Variants in CACNG2 observed in about 807,000 individuals in gnomAD.
The protein encoded by CACNG2 is voltage-dependent calcium channel gamma-2 subunit.
Under a neutral mutation model 25.9 loss-of-function variants are expected in CACNG2, and 3 were observed. The ratio of observed to expected loss-of-function variants is 0.12; its 90% CI spans 0.05 to 0.30. CACNG2 has a LOEUF of 0.30. Ranked by LOEUF, CACNG2 falls within the 10% of genes least tolerant of loss-of-function variation. The pLI, the probability that CACNG2 is intolerant of heterozygous loss-of-function variation, is 1.00. For synonymous variants in CACNG2, 167 were observed against 173.3 expected (o/e 0.96, Z 0.29); for missense variants, 341 against 432.5 (o/e 0.79, Z 1.88).
chr22:36,662,167 A>G (rs1043276928), intron 1 of CACNG2, among the ~76,000 whole-genome samples: 2 of 151,070 alleles, frequency 1.3e-5, no homozygotes, highest in African/African-American at 4.9e-5. Flanking sequence ...TTTTTAGTAG[A>G]GATGGGGTTT....
chr22:36,646,366 A>G (rs1297851556), intron 1 of CACNG2, among the ~76,000 whole-genome samples: 2 of 152,232 alleles, frequency 1.3e-5, no homozygotes, highest in Admixed American at 6.5e-5. Flanking sequence ...ACAGAGGCAG[A>G]ACACAAGACC....
chr22:36,655,545 A>C (rs771218395), intron 1 of CACNG2, among the ~76,000 whole-genome samples: 1 of 152,190 alleles, frequency 6.6e-6, no homozygotes. Flanking sequence ...CGCCCTTTAT[A>C]GATTCAGCCC....
At chr22:36,578,375 C>T (rs935772517) in intron 2 of CACNG2, among the ~76,000 whole-genome samples, 2 of 138,206 alleles carry the variant, frequency 1.4e-5, no homozygotes, top group East Asian at 4.2e-4. Context: ...AAAAAAAAGC[C>T]GGAATGATGG....
At chr22:36,690,241 A>G (rs1011781013) in intron 1 of CACNG2, among the ~76,000 whole-genome samples, 1 of 152,178 alleles carries the variant, frequency 6.6e-6, no homozygotes, top group Non-Finnish European at 1.5e-5. Context: ...GACACTCGGG[A>G]GCAGTGGGGA....
At chr22:36,570,975 A>C (rs201746398) in intron 2 of CACNG2, among the ~76,000 whole-genome samples, 1 of 152,042 alleles carries the variant, frequency 6.6e-6, no homozygotes, top group Non-Finnish European at 1.5e-5. Flanking sequence ...GTCACACTTG[A>C]CTTTGAATCC....
chr22:36,653,151 G>C (rs143623831), intron 1 of CACNG2, among the ~76,000 whole-genome samples: 1 of 152,016 alleles, frequency 6.6e-6, no homozygotes, highest in Admixed American at 6.6e-5. Flanking sequence ...GAGAAACCTC[G>C]TCTCTACTAA....
rs551286193 is a variant in CACNG2, at chr22:36,573,298, C to T, written c.296-6805G>A. Among the ~76,000 whole-genome samples, 4 of 152,182 alleles carry T rather than the reference C, an allele frequency of 2.6e-5. No individual in the cohort carries two copies. The East Asian group carries it at 7.7e-4, about 29-fold the overall frequency. ...CTCTGAAATGTGATAGACCTGGATT[C>T]AAATCCAATGCTTTTGTTTTTTACT... On this transcript the variant is annotated intron_variant, in intron 2 of 3. Coordinates refer to ENST00000300105, the MANE Select transcript of CACNG2 (RefSeq NM_006078.5).
At chr22:36,629,700 C>A (rs1308277897) in intron 1 of CACNG2, among the ~76,000 whole-genome samples, 1 of 152,178 alleles carries the variant, frequency 6.6e-6, no homozygotes, top group African/African-American at 2.4e-5. Flanking sequence ...TTCATTCATT[C>A]ATTCATTCAT....
intron 1 of CACNG2, among the ~76,000 whole-genome samples, chr22:36,597,578 T>C (rs942265604): frequency 3.9e-5 from 6 of 152,180 alleles, no homozygotes; most frequent in African/African-American, 1.4e-4. Flanking sequence ...CCAGAACAGA[T>C]ACTCAACAAT....
intron 1 of CACNG2, among the ~76,000 whole-genome samples, chr22:36,621,287 C>T (rs1228567971): frequency 6.6e-6 from 1 of 152,188 alleles, no homozygotes; most frequent in Non-Finnish European, 1.5e-5. Flanking sequence ...GCGGGCGAAT[C>T]ACCTGAGGTC....
intron 1 of CACNG2, among the ~76,000 whole-genome samples, chr22:36,605,274 C>A (rs574696046): frequency 1.3e-5 from 2 of 152,044 alleles, no homozygotes; most frequent in South Asian, 2.1e-4. Context: ...GGGGTTTCAC[C>A]ATGTTGGCCA....
intron 1 of CACNG2, among the ~76,000 whole-genome samples, chr22:36,681,437 G>C (rs1316036730): frequency 6.6e-6 from 1 of 152,168 alleles, no homozygotes; most frequent in African/African-American, 2.4e-5. Flanking sequence ...ATCTTTGTCA[G>C]CACCTGGCTC....
At chr22:36,646,901 C>T (rs910525913) in intron 1 of CACNG2, among the ~76,000 whole-genome samples, 10 of 152,034 alleles carry the variant, frequency 6.6e-5, no homozygotes, top group African/African-American at 9.7e-5. Context: ...CATGAGGGCC[C>T]TTACTTTGTA....
intron 1 of CACNG2, among the ~76,000 whole-genome samples, chr22:36,690,107 A>G (rs1305553854): frequency 6.6e-6 from 1 of 152,226 alleles, no homozygotes; most frequent in Non-Finnish European, 1.5e-5. Context: ...TTCAGCTGTC[A>G]AAAGACAAAG....
At chr22:36,668,366 C>T (rs749366566) in intron 1 of CACNG2, among the ~76,000 whole-genome samples, 3 of 152,218 alleles carry the variant, frequency 2.0e-5, no homozygotes, top group Non-Finnish European at 4.4e-5. Flanking sequence ...AGACTTATTA[C>T]AGGAATTGGC....
At chr22:36,582,654 C>T (rs1407537045) in intron 2 of CACNG2, among the ~76,000 whole-genome samples, 3 of 151,600 alleles carry the variant, frequency 2.0e-5, no homozygotes, top group African/African-American at 7.3e-5. Context: ...GGTGATCTGC[C>T]CACCTTGGCC....
At chr22:36,700,153 C>T (rs1164259139) in intron 1 of CACNG2, among the ~76,000 whole-genome samples, 1 of 152,224 alleles carries the variant, frequency 6.6e-6, no homozygotes, top group Non-Finnish European at 1.5e-5. Flanking sequence ...ATCGCACAAT[C>T]CTTGGGAAGT....
Position 36,642,340 on chromosome 22 carries a change from C to T in CACNG2, c.212-54792G>A, listed in dbSNP as rs576509880. Among the ~76,000 whole-genome samples the T allele has an allele frequency of 4.6e-5, 7 of 152,208 alleles. No homozygotes were observed. The South Asian group carries it at 8.3e-4, about 18-fold the overall frequency. ...GCTGTGCTCTGGTTGGGGATTTGACCGTTTCTTCCACTCCACCCCCAATGC... is the reference window on the plus strand; with the variant it reads ...GCTGTGCTCTGGTTGGGGATTTGACTGTTTCTTCCACTCCACCCCCAATGC... On this transcript the variant is annotated intron_variant, in intron 1 of 3. Transcript: ENST00000300105.
At chr22:36,680,909 C>A (rs963859966) in intron 1 of CACNG2, among the ~76,000 whole-genome samples, 2 of 151,696 alleles carry the variant, frequency 1.3e-5, no homozygotes, top group African/African-American at 4.8e-5. Context: ...TCACCACCAC[C>A]AGCAGCACAT....
Sources: gnomAD v4.1 joint callset for allele counts (sites outside exome capture counted in the v4.1 genomes callset) on GRCh38, gnomAD v4.1.1 for gene constraint, MANE v1.5 for transcripts, NCBI Gene and HGNC (gene_info 2026-07-23, HGNC 2026-07-21) for gene names.